The following OLFML2B variants were observed in gnomAD, a reference collection of about 807,000 sequenced individuals.
OLFML2B encodes the protein olfactomedin-like protein 2B.
Under a neutral mutation model 74.9 loss-of-function variants are expected in OLFML2B, and 57 were observed. The ratio of observed to expected loss-of-function variants is 0.76; its 90% CI spans 0.61 to 0.95. OLFML2B has a LOEUF of 0.95. Among genes scored for constraint, OLFML2B ranks in the 40% least tolerant of loss-of-function variants. The pLI, the probability that OLFML2B is intolerant of heterozygous loss-of-function variation, is 0.00. For missense variants in OLFML2B, 986 were observed against 970.6 expected (o/e 1.02, Z -0.21); for synonymous variants, 388 against 405.8 (o/e 0.96, Z 0.53).
chr1:162,002,746 G>C (rs563311679), intron 4 of OLFML2B, among the ~76,000 whole-genome samples: 28 of 152,290 alleles, frequency 1.8e-4, no homozygotes, highest in African/African-American at 6.0e-4. Context: ...TCCCCTGTCT[G>C]CCCAGGGGAA....
At chr1:161,997,722 G>T in intron 6 of OLFML2B, 103 bp downstream of exon 6, 1 of 1,247,264 alleles carries the variant, frequency 8.0e-7, no homozygotes, top group Non-Finnish European at 1.1e-6. Context: ...TTCCCATAAA[G>T]AACTTTGACC....
chr1:162,017,426 C>A lies in OLFML2B; in HGVS notation c.520G>T (p.Val174Leu). Residue 174 changes from valine (V) to leucine (L), a missense_variant, in exon 3 of 8, where the codon GTG becomes TTG. Coordinates refer to ENST00000294794, the MANE Select transcript of OLFML2B (RefSeq NM_015441.3). ...TCCTCCAGTTTATCCACTCGCCCCA[C>A]CAGTTTGGTGGTGACTGAATGTAGC... The part of the protein sequence containing the change: ...LKLHSVTTKL[V>L]GRVDKLEEEV... 6.2e-7 allele frequency: 1 copy of A among 1,613,674 alleles called. No homozygotes were observed. The highest frequency in any genetic ancestry group is 1.1e-5 in the South Asian group (1 of 90,986).
intron 4 of OLFML2B, among the ~76,000 whole-genome samples, chr1:162,005,580 A>G (rs1473656504): frequency 3.9e-5 from 6 of 152,212 alleles, no homozygotes; most frequent in Non-Finnish European, 7.3e-5. Context: ...TTTTTAGAGT[A>G]AAAGAGGGTG....
At chr1:161,994,478 G>A (rs1172610985) in intron 6 of OLFML2B, among the ~76,000 whole-genome samples, 4 of 152,218 alleles carry the variant, frequency 2.6e-5, no homozygotes, top group Admixed American at 2.6e-4. Context: ...CTCTTTGTCT[G>A]CTCCTGCCAC....
Position 162,016,290 on chromosome 1 carries a change from C to T in OLFML2B, c.546+1110G>A, listed in dbSNP as rs115744746. On this transcript the variant is annotated intron_variant, in intron 3 of 7. Transcript: ENST00000294794. Reference sequence around the variant, plus strand: ...TGGAGTAGGCAGGGTACTATTCTCACTGTCCAGATGGAGAAGGTAGGACAT... The same window carrying T: ...TGGAGTAGGCAGGGTACTATTCTCATTGTCCAGATGGAGAAGGTAGGACAT... Among the ~76,000 whole-genome samples the T allele has an allele frequency of 1.3e-3, 205 of 152,340 alleles. 1 individual carries two copies. The highest frequency in any genetic ancestry group is 4.7e-3 in the African/African-American group (195 of 41,576).
chr1:162,019,010 T>G (rs1196827085), intron 2 of OLFML2B, among the ~76,000 whole-genome samples: 1 of 152,206 alleles, frequency 6.6e-6, no homozygotes, highest in Non-Finnish European at 1.5e-5. Context: ...TTCAGAAAGT[T>G]GTTCCATGGC....
rs1689541961 is a variant in OLFML2B at position 161,984,851 on chromosome 1, T to C, written c.1604A>G (p.Tyr535Cys). The change falls in exon 7 of 8, where the codon TAC becomes TGC. Residue 535 changes from tyrosine (Y) to cysteine (C), a missense_variant. Coordinates refer to ENST00000294794, the MANE Select transcript of OLFML2B (RefSeq NM_015441.3). ...CCGGAACTCTACCAGGGTGTTGCCG[T>C]AGTAATAGTTGGTTACGTAAATCCG... ...DERIYVTNYY[Y>C]GNTLVEFRNL... is the part of the protein sequence containing the mutation. 12 of 1,613,338 alleles carry C rather than the reference T, an allele frequency of 7.4e-6. No homozygotes were observed. The East Asian group carries it at 2.7e-4, about 36-fold the overall frequency.
rs764176462 is a variant in OLFML2B, at chr1:162,006,458, G to A, written c.562C>T (p.Leu188Phe). Residue 188 changes from leucine to phenylalanine, a missense_variant, in exon 4 of 8, where the codon CTC becomes TTC. Transcript: ENST00000294794. ...TTGATTTGTTCATTTTCCTTGGTGA[G>A]GTTTTTAGACACTTCCTGAGAAGGA... ...DKLEEEVSKN[L>F]TKENEQIKED... is the part of the protein sequence containing the mutation. The A allele has an allele frequency of 8.9e-6, 14 of 1,574,712 alleles. No individual in the cohort carries two copies. In the East Asian group the frequency reaches 2.3e-4, roughly 26 times the overall value.
chr1:162,012,076 G>T (rs1690406219), intron 3 of OLFML2B, among the ~76,000 whole-genome samples: 1 of 152,100 alleles, frequency 6.6e-6, no homozygotes, highest in African/African-American at 2.4e-5. Flanking sequence ...CACTAACTTC[G>T]ACCCTCTGCC....
chr1:161,992,047 G>A lies in OLFML2B; in HGVS notation c.1474+5778C>T, dbSNP rs2490421. Among the ~76,000 whole-genome samples, 898 of 152,316 alleles carry A rather than the reference G, an allele frequency of 5.9e-3. 11 individuals are homozygous for A. Among genetic ancestry groups the A allele is most frequent in the African/African-American group, 0.021 (857 of 41,552 alleles). ...GTCCTAGATGGCACCTTCTTCCAAT[G>A]GATGGCTGTTTTGCCTACACTGAAA... On this transcript the variant is annotated intron_variant, in intron 6 of 7. Coordinates refer to ENST00000294794, the MANE Select transcript of OLFML2B (RefSeq NM_015441.3).
At chr1:161,999,826 T>C (rs933358217) in intron 5 of OLFML2B, among the ~76,000 whole-genome samples, 11 of 152,158 alleles carry the variant, frequency 7.2e-5, no homozygotes, top group Non-Finnish European at 1.5e-5. Context: ...AGTTTTCTCA[T>C]CTGCAAATGG....
chr1:161,984,318 C>T, intron 7 of OLFML2B, 42 bp from the exon 8 acceptor site: 1 of 1,511,002 alleles, frequency 6.6e-7, no homozygotes, highest in Middle Eastern at 1.8e-4. Context: ...AGTGGCATGG[C>T]AGAGGGTGGG....
In OLFML2B at chr1:162,006,391, C is replaced by A. The variant is rs756912140; in HGVS notation, c.629G>T (p.Gly210Val). The A allele has an allele frequency of 2.5e-6, 4 of 1,612,570 alleles. No individual in the cohort carries two copies. The highest frequency in any genetic ancestry group is 1.7e-5 in the Admixed American group (1 of 59,792). ...GATGTTTTCAGAGCAATTTTCTTTG[C>A]CTCGCTTATTCATCTCGGTTCGAAT... ...EEIRTEMNKR[G>V]KENCSENILD... The change falls in exon 4 of 8, where the codon GGC (glycine) becomes GTC (valine). Residue 210 changes from glycine (G) to valine (V), a missense_variant. Physicochemically the swap from Gly to Val is moderately radical, Grantham distance 109. Transcript: ENST00000294794.
chr1:161,983,529 CA>C lies in OLFML2B; in HGVS notation c.*145del. The stretch of plus-strand genomic sequence containing the variant: ...TACAATCCATATAAAAAAATAGACC[CA>C]AATTGTCATTTTACATTTGCAATAT... On this transcript the variant is annotated 3_prime_UTR_variant, in exon 8 of 8. Transcript: ENST00000294794. 4.5e-6 allele frequency: 4 copies of C among 891,288 alleles called. No homozygotes were observed. The highest frequency in any genetic ancestry group is 6.7e-6 in the Non-Finnish European group (4 of 601,404). 55.2% of individuals were successfully genotyped at this position (891,288 alleles called of 1,614,324 possible). A position where few individuals can be genotyped will look rare whatever the true frequency, so the allele number is the denominator to read the frequency against.
intron 4 of OLFML2B, among the ~76,000 whole-genome samples, chr1:162,004,410 A>G (rs984085251): frequency 6.6e-6 from 1 of 152,314 alleles, no homozygotes; most frequent in African/African-American, 2.4e-5. Flanking sequence ...ATTTCCAAAA[A>G]AGCACCAAAG....
rs755635393 is a variant in OLFML2B at position 161,998,199 on chromosome 1, C to T, written c.1100G>A (p.Arg367Gln). The T allele has an allele frequency of 9.9e-6, 16 of 1,614,008 alleles. No individual in the cohort carries two copies. The highest frequency in any genetic ancestry group is 3.4e-4 in the Middle Eastern group (2 of 5,958). ...STAVTSDLNA[R>Q]TAPWSSALPQ... ...CAGTGCTGAGGACCAGGGTGCGGTC[C>T]GAGCGTTCAGGTCGCTTGTCACAGC... The change falls in exon 6 of 8, where the codon CGG becomes CAG. Residue 367 changes from arginine to glutamine, a missense_variant. By Grantham distance (43) the Arg-to-Gln change is conservative (BLOSUM62 1). Coordinates refer to ENST00000294794, the MANE Select transcript of OLFML2B (RefSeq NM_015441.3).
intron 3 of OLFML2B, among the ~76,000 whole-genome samples, chr1:162,013,197 C>T (rs763435347): frequency 1.1e-4 from 16 of 152,312 alleles, no homozygotes; most frequent in Admixed American, 5.2e-4. Context: ...TACTTATGTT[C>T]TGTGCCCACC....
chr1:162,006,589 C>A, intron 3 of OLFML2B, 116 bp from the exon 4 acceptor site: 1 of 809,346 alleles, frequency 1.2e-6, no homozygotes, highest in Non-Finnish European at 1.9e-6. Context: ...GAGAAATCAT[C>A]CAACAAGTGA....
chr1:161,985,417 CCTG>C (rs2101943395), intron 6 of OLFML2B, among the ~76,000 whole-genome samples: 1 of 152,318 alleles, frequency 6.6e-6, no homozygotes, highest in African/African-American at 2.4e-5. Context: ...TCCCTCCACG[CCTG>C]CCCCCAACCG....
Sources: gnomAD v4.1 joint callset for allele counts (sites outside exome capture counted in the v4.1 genomes callset) on GRCh38, gnomAD v4.1.1 for gene constraint, MANE v1.5 for transcripts, NCBI Gene and HGNC (gene_info 2026-07-23, HGNC 2026-07-21) for gene names.